SPPL3: variants seen among roughly 807,000 people sequenced by gnomAD.
The protein encoded by SPPL3 is signal peptide peptidase like 3, also known as signal peptide peptidase-like 3.
SPPL3 carries 5 observed loss-of-function variants against 42.4 expected under a neutral mutation model. The ratio of observed to expected loss-of-function variants is 0.12; its 90% CI spans 0.06 to 0.25. The LOEUF is 0.25. Ranked by LOEUF, SPPL3 falls within the 10% of genes least tolerant of loss-of-function variation. SPPL3 has a pLI of 1.00. For missense variants in SPPL3, 235 were observed against 489.0 expected (o/e 0.48, Z 4.90); for synonymous variants, 195 against 181.8 (o/e 1.07, Z -0.58).
intron 1 of SPPL3, among the ~76,000 whole-genome samples, chr12:120,900,052 A>C (rs1245929298): frequency 6.6e-6 from 1 of 152,178 alleles, no homozygotes; most frequent in East Asian, 1.9e-4. Flanking sequence ...CCTTGTTGAA[A>C]AAACTTTTTA....
rs370683162 is a variant in SPPL3 at position 120,894,128 on chromosome 12, C to T, written c.23+9717G>A. 4.5e-4 allele frequency among the ~76,000 whole-genome samples: 68 copies of T among 152,256 alleles called. No homozygotes were observed. The South Asian group carries it at 0.013, about 29-fold the overall frequency. ...GACCCTGAGGTCAGGAGTTCACAAC[C>T]GGCCTGACCAACATGGAGAAACCCC... On this transcript the variant is annotated intron_variant, in intron 1 of 10. Transcript: ENST00000353487.
At chr12:120,828,405 TAAAA>T (rs33981750) in intron 1 of SPPL3, among the ~76,000 whole-genome samples, 1 of 151,664 alleles carries the variant, frequency 6.6e-6, no homozygotes, top group African/African-American at 2.4e-5. Flanking sequence ...GTTTTTGCCT[TAAAA>T]AAAACTAGAA....
chr12:120,871,625 C>T (rs572448796), intron 1 of SPPL3, among the ~76,000 whole-genome samples: 21 of 152,016 alleles, frequency 1.4e-4, no homozygotes, highest in Non-Finnish European at 2.4e-4. Flanking sequence ...TGGTGGTGCA[C>T]GCCTGTAATC....
At chr12:120,787,460 G>C (rs1174979127) in intron 3 of SPPL3, among the ~76,000 whole-genome samples, 1 of 152,136 alleles carries the variant, frequency 6.6e-6, no homozygotes, top group Non-Finnish European at 1.5e-5. Context: ...AGAGAAGTTA[G>C]AACAAGGTCA....
At chr12:120,797,983 G>A (rs916955364) in intron 2 of SPPL3, among the ~76,000 whole-genome samples, 1 of 152,102 alleles carries the variant, frequency 6.6e-6, no homozygotes, top group Non-Finnish European at 1.5e-5. Context: ...TAGAATGGGG[G>A]GTCTGGGGAG....
chr12:120,858,230 T>C (rs1370170278), intron 1 of SPPL3, among the ~76,000 whole-genome samples: 3 of 152,174 alleles, frequency 2.0e-5, no homozygotes, highest in East Asian at 3.9e-4. Flanking sequence ...GTAATTCCAG[T>C]ACTTTGGGAG....
intron 2 of SPPL3, among the ~76,000 whole-genome samples, chr12:120,801,931 A>C (rs1870310732): frequency 6.6e-6 from 1 of 152,206 alleles, no homozygotes; most frequent in Non-Finnish European, 1.5e-5. Flanking sequence ...TTTGATGTAC[A>C]TTTCACATGA....
At chr12:120,776,971 C>T (rs1444091115) in intron 6 of SPPL3, among the ~76,000 whole-genome samples, 2 of 152,150 alleles carry the variant, frequency 1.3e-5, no homozygotes, top group Non-Finnish European at 1.5e-5. Flanking sequence ...TACTTTAAAC[C>T]AGTAGCACCT....
Position 120,764,991 on chromosome 12 carries a change from G to C in SPPL3, c.*8C>G, listed in dbSNP as rs373326481. On this transcript the variant is annotated 3_prime_UTR_variant, in exon 11 of 11. Transcript: ENST00000353487. ...TGACGGCCATCTGGTCACTTTCCACGTGATCCATCATACTTCCAGGAATCG... is the reference window on the plus strand; with the variant it reads ...TGACGGCCATCTGGTCACTTTCCACCTGATCCATCATACTTCCAGGAATCG... 2.1e-5 allele frequency: 34 copies of C among 1,613,496 alleles called. No individual in the cohort carries two copies. The highest frequency in any genetic ancestry group is 2.9e-5 in the Non-Finnish European group (34 of 1,179,750).
chr12:120,771,172 G>A (rs1418950638), intron 6 of SPPL3, among the ~76,000 whole-genome samples: 2 of 152,240 alleles, frequency 1.3e-5, no homozygotes, highest in Middle Eastern at 6.8e-3. Flanking sequence ...CAGGTTTTAT[G>A]GGGCCCCTAG....
intron 1 of SPPL3, among the ~76,000 whole-genome samples, chr12:120,830,099 C>A (rs1412166224): frequency 6.7e-6 from 1 of 149,298 alleles, no homozygotes; most frequent in Non-Finnish European, 1.5e-5. Context: ...GTGGCTGGTA[C>A]TGGGGTGAAA....
rs377092397 is a variant in SPPL3, at chr12:120,764,616, AT to A, written c.*382del. ...TCATTGAAGAAACTTCGGTTTGCTA[AT>A]TTTTTTCATCCTTTTAGTGTTCAAA... On this transcript the variant is annotated 3_prime_UTR_variant, in exon 11 of 11. Coordinates refer to ENST00000353487, the MANE Select transcript of SPPL3 (RefSeq NM_139015.5). 52 of 365,454 alleles carry A rather than the reference AT, an allele frequency of 1.4e-4. No homozygotes were observed. In the East Asian group the frequency reaches 1.6e-3, roughly 12 times the overall value. The allele number at this position is 365,454 out of a possible 1,614,324, so 22.6% of individuals were successfully genotyped here.
At chr12:120,885,585 C>T (rs559464971) in intron 1 of SPPL3, among the ~76,000 whole-genome samples, 2 of 152,132 alleles carry the variant, frequency 1.3e-5, no homozygotes, top group Non-Finnish European at 2.9e-5. Flanking sequence ...GTATTTGTAT[C>T]TAAACATGCA....
chr12:120,857,329 T>G (rs1057338394), intron 1 of SPPL3, among the ~76,000 whole-genome samples: 2 of 152,310 alleles, frequency 1.3e-5, no homozygotes, highest in Non-Finnish European at 2.9e-5. Context: ...AAACAACAGA[T>G]GCTGGCGAGG....
At chr12:120,766,924 T>C (rs1185952092) in intron 9 of SPPL3, among the ~76,000 whole-genome samples, 1 of 152,192 alleles carries the variant, frequency 6.6e-6, no homozygotes, top group African/African-American at 2.4e-5. Context: ...GCGGGAGCAG[T>C]TGCATGTGCG....
intron 1 of SPPL3, among the ~76,000 whole-genome samples, chr12:120,818,353 C>T (rs917658580): frequency 1.8e-4 from 28 of 152,026 alleles, no homozygotes; most frequent in Non-Finnish European, 3.5e-4. Flanking sequence ...ATTATGAAGA[C>T]CACTAATTCT....
At chr12:120,849,495 T>C (rs1410978054) in intron 1 of SPPL3, among the ~76,000 whole-genome samples, 2 of 152,190 alleles carry the variant, frequency 1.3e-5, no homozygotes, top group East Asian at 1.9e-4. Context: ...TACCAAGATA[T>C]AGCAAATACA....
intron 7 of SPPL3, 43 bp downstream of exon 7, chr12:120,768,910 C>T: frequency 6.5e-7 from 1 of 1,529,442 alleles, no homozygotes; most frequent in South Asian, 1.2e-5. Flanking sequence ...TGCTTCACTT[C>T]AACACAAAGA....
chr12:120,894,368 T>C (rs1873735656), intron 1 of SPPL3, among the ~76,000 whole-genome samples: 1 of 152,062 alleles, frequency 6.6e-6, no homozygotes, highest in South Asian at 2.1e-4. Flanking sequence ...ATTTCATAAG[T>C]TTATAAAGTC....
Sources: gnomAD v4.1 joint callset for allele counts (sites outside exome capture counted in the v4.1 genomes callset) on GRCh38, gnomAD v4.1.1 for gene constraint, MANE v1.5 for transcripts, NCBI Gene and HGNC (gene_info 2026-07-23, HGNC 2026-07-21) for gene names.